TBC1D5: variants seen among roughly 807,000 people sequenced by gnomAD.
TBC1D5 encodes TBC1 domain family member 5.
In TBC1D5, 75 loss-of-function variants were observed where a neutral mutation model predicts 100.3. The observed-to-expected ratio is 0.75, with a 90% CI of 0.62 to 0.91. TBC1D5 has a LOEUF of 0.91. Among genes scored for constraint, TBC1D5 ranks in the 40% least tolerant of loss-of-function variants. The pLI is 0.00. For missense variants in TBC1D5, 910 were observed against 942.4 expected (o/e 0.97, Z 0.45); for synonymous variants, 323 against 325.6 (o/e 0.99, Z 0.09).
chr3:17,310,822 A>G (rs566372927), intron 13 of TBC1D5, among the ~76,000 whole-genome samples: 2 of 152,190 alleles, frequency 1.3e-5, no homozygotes, highest in East Asian at 3.9e-4. Flanking sequence ...TCTATTTTAT[A>G]TATAATTATA....
At chr3:17,413,607 A>G (rs2093992362) in intron 4 of TBC1D5, among the ~76,000 whole-genome samples, 1 of 152,202 alleles carries the variant, frequency 6.6e-6, no homozygotes, top group South Asian at 2.1e-4. Context: ...ATTTGTTAAT[A>G]TCTTCTAAAT....
chr3:17,224,554 G>A (rs1228858925), intron 17 of TBC1D5, among the ~76,000 whole-genome samples: 2 of 152,142 alleles, frequency 1.3e-5, no homozygotes, highest in African/African-American at 4.8e-5. Flanking sequence ...GTGGCTACAT[G>A]TGGCTAGGGG....
At chr3:17,448,260 C>T (rs1306943666) in intron 3 of TBC1D5, among the ~76,000 whole-genome samples, 2 of 152,186 alleles carry the variant, frequency 1.3e-5, no homozygotes, top group East Asian at 3.8e-4. Flanking sequence ...GCAGTTACTT[C>T]CTCCACTGAG....
intron 3 of TBC1D5, among the ~76,000 whole-genome samples, 189 bp from the exon 4 acceptor site, chr3:17,428,708 G>A (rs1386408361): frequency 6.6e-6 from 1 of 151,798 alleles, no homozygotes; most frequent in African/African-American, 2.4e-5. Flanking sequence ...ATAAACCAAT[G>A]CCAATCCTAG....
At chr3:17,734,111 C>T (rs1417125472) in intron 1 of TBC1D5, among the ~76,000 whole-genome samples, 1 of 152,130 alleles carries the variant, frequency 6.6e-6, no homozygotes, top group East Asian at 1.9e-4. Flanking sequence ...GGGATATTAG[C>T]TGTAATAATG....
chr3:17,275,264 G>A (rs2149769219), intron 15 of TBC1D5, among the ~76,000 whole-genome samples: 1 of 152,300 alleles, frequency 6.6e-6, no homozygotes, highest in Non-Finnish European at 1.5e-5. Context: ...TGGGTGGGCT[G>A]GGTATGGTGG....
intron 13 of TBC1D5, among the ~76,000 whole-genome samples, chr3:17,327,035 T>C (rs528815800): frequency 2.4e-4 from 36 of 152,358 alleles, no homozygotes; most frequent in Admixed American, 1.4e-3. Flanking sequence ...ATCTTTCATC[T>C]TGATACCAAC....
chr3:17,705,544 C>A (rs1184190892), intron 1 of TBC1D5, among the ~76,000 whole-genome samples: 162 of 145,648 alleles, frequency 1.1e-3, no homozygotes, highest in African/African-American at 3.9e-3. Flanking sequence ...GGCGGCCGGG[C>A]AGAGACGCTC....
intron 15 of TBC1D5, among the ~76,000 whole-genome samples, chr3:17,271,989 A>G (rs781140090): frequency 6.6e-6 from 1 of 152,216 alleles, no homozygotes; most frequent in African/African-American, 2.4e-5. Context: ...GAAAAGGGAA[A>G]TATCACCTAC....
intron 3 of TBC1D5, among the ~76,000 whole-genome samples, chr3:17,496,692 C>T (rs939655001): frequency 6.6e-5 from 10 of 151,938 alleles, no homozygotes; most frequent in African/African-American, 1.7e-4. Context: ...TGGACTGCAA[C>T]GTGAAAAAAA....
chr3:17,733,343 C>T (rs1414904879), intron 1 of TBC1D5, among the ~76,000 whole-genome samples: 1 of 152,152 alleles, frequency 6.6e-6, no homozygotes, highest in Non-Finnish European at 1.5e-5. Flanking sequence ...AGTAAACTCA[C>T]CATAAGGATC....
intron 3 of TBC1D5, among the ~76,000 whole-genome samples, chr3:17,441,046 G>A (rs17043631): frequency 6.6e-6 from 1 of 152,080 alleles, no homozygotes; most frequent in Non-Finnish European, 1.5e-5. Flanking sequence ...ATAAGAAGCT[G>A]TGTGGTACCC....
chr3:17,383,832 C>T, intron 9 of TBC1D5, 81 bp downstream of exon 9: 1 of 1,071,990 alleles, frequency 9.3e-7, no homozygotes, highest in Non-Finnish European at 1.4e-6. Context: ...ACAATAAAGG[C>T]TACATTATTG....
exon 18 of TBC1D5, chr3:17,214,261 A>T (rs767234746): frequency 3.1e-6 from 5 of 1,613,342 alleles, no homozygotes; most frequent in Admixed American, 3.3e-5. Context: ...AGATGTTGCT[A>T]AAAAAGGAAT....
chr3:17,730,180 A>C (rs2076443318), intron 1 of TBC1D5, among the ~76,000 whole-genome samples: 1 of 152,188 alleles, frequency 6.6e-6, no homozygotes, highest in African/African-American at 2.4e-5. Context: ...GACAGGAATT[A>C]ATTCATTCCA....
At chr3:17,343,400 T>C (rs969528289) in intron 13 of TBC1D5, among the ~76,000 whole-genome samples, 4 of 151,944 alleles carry the variant, frequency 2.6e-5, no homozygotes, top group African/African-American at 7.3e-5. Flanking sequence ...CGCATCAATG[T>C]TCATCAAAGA....
rs572763958 is a variant in TBC1D5 at position 17,513,310 on chromosome 3, C to T, written c.-35-4705G>A. Among the ~76,000 whole-genome samples, 19 of 149,372 alleles carry T rather than the reference C, an allele frequency of 1.3e-4. No homozygotes were observed. In the East Asian group the frequency reaches 2.4e-3, roughly 19 times the overall value. On this transcript the variant is annotated intron_variant, in intron 2 of 21. Transcript: ENST00000253692. ...TCGTGCCACTGCACTCCAGCCTGGG[C>T]GACAGAGCAAGACTCCATCTCAAAA...
intron 15 of TBC1D5, among the ~76,000 whole-genome samples, chr3:17,284,365 G>C (rs967547851): frequency 3.3e-5 from 5 of 152,120 alleles, no homozygotes; most frequent in African/African-American, 1.2e-4. Context: ...TGATCCGCCT[G>C]CCTCTGCCTT....
chr3:17,274,011 T>TCA (rs2079707368), intron 15 of TBC1D5, among the ~76,000 whole-genome samples: 3 of 56,814 alleles, frequency 5.3e-5, no homozygotes, highest in Admixed American at 1.5e-4. Context: ...CTGTATTTAA[T>TCA]TAAAAAAAAA....
Sources: allele counts gnomAD v4.1 joint callset (sites outside exome capture counted in the v4.1 genomes callset), GRCh38; gene constraint gnomAD v4.1.1; transcripts MANE v1.5; gene names NCBI Gene and HGNC (gene_info 2026-07-23, HGNC 2026-07-21).